SH2D4A: variants seen among roughly 807,000 people sequenced by gnomAD.
The protein encoded by SH2D4A is SH2 domain containing 4A.
SH2D4A carries 70 observed loss-of-function variants against 64.7 expected under a neutral mutation model. The observed-to-expected ratio is 1.08, with a 90% CI of 0.89 to 1.32. The LOEUF is 1.32. Ranked by LOEUF, SH2D4A falls within the 40% of genes most tolerant of loss-of-function variation. The pLI, the probability that SH2D4A is intolerant of heterozygous loss-of-function variation, is 0.00. For synonymous variants in SH2D4A, 268 were observed against 200.7 expected, an observed-to-expected ratio of 1.34 and a Z score of -2.83; for missense variants, 706 against 540.1, an observed-to-expected ratio of 1.31 and a Z score of -3.04.
rs1174314642 is a variant in SH2D4A, at chr8:19,361,204, A to G, written c.596A>G (p.Lys199Arg). 6.7e-7 allele frequency: 1 copy of G among 1,492,210 alleles called. No homozygotes were observed. Among genetic ancestry groups the G allele is most frequent in the African/African-American group, 1.4e-5 (1 of 70,916 alleles). 92.4% of individuals were successfully genotyped at this position (1,492,210 alleles called of 1,614,324 possible). The change falls in exon 6 of 10, where the codon AAG (lysine) becomes AGG (arginine). Residue 199 changes from lysine to arginine, a missense_variant and splice_region_variant. Lys to Arg is a conservative substitution (Grantham distance 26, BLOSUM62 2). Coordinates refer to ENST00000265807, the MANE Select transcript of SH2D4A (RefSeq NM_022071.4). ...NRMKAYAFHQ[K>R]KESMKKKQDE... ...TTTTTTTGTTTTGTTTTTAAACAGA[A>G]GAAAGAATCTATGAAGAAAAAACAA... is the stretch of plus-strand genomic sequence containing the variant.
intron 8 of SH2D4A, among the ~76,000 whole-genome samples, chr8:19,374,782 A>G (rs1253500734): frequency 1.3e-5 from 2 of 152,062 alleles, no homozygotes; most frequent in Non-Finnish European, 2.9e-5. Context: ...CTTGAAGACA[A>G]TGAGAGAGAG....
At chr8:19,379,038 C>G (rs899061180) in intron 8 of SH2D4A, among the ~76,000 whole-genome samples, 1 of 148,836 alleles carries the variant, frequency 6.7e-6, no homozygotes, top group African/African-American at 2.5e-5. Flanking sequence ...GCCAAGATCA[C>G]GCCATGCACT....
At chr8:19,363,761 C>T in intron 6 of SH2D4A, 1 of 386,152 alleles carries the variant, frequency 2.6e-6, no homozygotes, top group Non-Finnish European at 4.9e-6. Flanking sequence ...GGGGGATCCT[C>T]ACTTGGTCTT....
intron 6 of SH2D4A, among the ~76,000 whole-genome samples, chr8:19,361,714 A>G (rs2052891340): frequency 6.8e-6 from 1 of 146,156 alleles, no homozygotes; most frequent in African/African-American, 2.7e-5. Context: ...CTGGAAGGTT[A>G]TAATAACATG....
chr8:19,361,125 A>G, intron 5 of SH2D4A, 78 bp from the exon 6 acceptor site: 1 of 765,598 alleles, frequency 1.3e-6, no homozygotes, highest in Non-Finnish European at 2.1e-6. Flanking sequence ...GTCCTTCAGG[A>G]AACTGCTGGA....
chr8:19,350,883 C>T (rs1020325768), intron 4 of SH2D4A, among the ~76,000 whole-genome samples: 1 of 152,102 alleles, frequency 6.6e-6, no homozygotes, highest in Non-Finnish European at 1.5e-5. Context: ...GTGGATTTTG[C>T]TTGGAACAAT....
intron 7 of SH2D4A, among the ~76,000 whole-genome samples, chr8:19,371,788 C>G (rs2053103470): frequency 6.6e-6 from 1 of 152,088 alleles, no homozygotes; most frequent in Non-Finnish European, 1.5e-5. Context: ...TTCAAATAGC[C>G]TGTCTTCTGG....
chr8:19,368,289 G>C (rs2053035152), intron 7 of SH2D4A, among the ~76,000 whole-genome samples: 1 of 152,142 alleles, frequency 6.6e-6, no homozygotes, highest in Non-Finnish European at 1.5e-5. Context: ...GTCATTTAGT[G>C]TGATGCCTCC....
At chr8:19,326,418 G>A (rs944624005) in intron 2 of SH2D4A, among the ~76,000 whole-genome samples, 1 of 152,196 alleles carries the variant, frequency 6.6e-6, no homozygotes, top group Non-Finnish European at 1.5e-5. Context: ...CTGGGAGTCT[G>A]CCAGCATGGT....
At position 19,327,517 on chromosome 8, in the gene SH2D4A, C is replaced by G. The variant is rs180955096; in HGVS notation, c.182-5438C>G. Among the ~76,000 whole-genome samples the G allele has an allele frequency of 1.3e-3, 191 of 152,318 alleles. 2 individuals are homozygous for G. The highest frequency in any genetic ancestry group is 5.0e-3 in the Admixed American group (77 of 15,306). The stretch of plus-strand genomic sequence containing the variant: ...TCCATTTTCAACTTCTCTTACCAGA[C>G]TGGAGCTTTCCTCAACTCCTTGTCA... On this transcript the variant is annotated intron_variant, in intron 2 of 9. Transcript: ENST00000265807.
At chr8:19,333,452 C>T (rs963066514) in intron 3 of SH2D4A, among the ~76,000 whole-genome samples, 6 of 152,098 alleles carry the variant, frequency 3.9e-5, no homozygotes, top group African/African-American at 1.4e-4. Context: ...AGTGATCACC[C>T]GTGGCTGCAC....
intron 4 of SH2D4A, among the ~76,000 whole-genome samples, chr8:19,344,905 C>G (rs1010784146): frequency 1.3e-5 from 2 of 152,122 alleles, no homozygotes; most frequent in Non-Finnish European, 2.9e-5. Flanking sequence ...CTCGTTAGTT[C>G]AAGTTAGGAT....
intron 4 of SH2D4A, among the ~76,000 whole-genome samples, chr8:19,339,497 T>TTC (rs1230927693): frequency 3.5e-4 from 52 of 148,574 alleles, no homozygotes; most frequent in African/African-American, 1.3e-3. Flanking sequence ...TAAACTTTCT[T>TTC]TTTTTTTTTT....
At chr8:19,317,759 A>G (rs1489527029) in intron 1 of SH2D4A, among the ~76,000 whole-genome samples, 2 of 152,234 alleles carry the variant, frequency 1.3e-5, no homozygotes, top group Non-Finnish European at 2.9e-5. Context: ...TACGATGGTC[A>G]TAATATAGCT....
At chr8:19,383,393 G>GTTTTTTTTTTTTTTTTTTTTTT (rs1243294785) in intron 8 of SH2D4A, among the ~76,000 whole-genome samples, 1 of 141,648 alleles carries the variant, frequency 7.1e-6, no homozygotes, top group Non-Finnish European at 1.6e-5. Flanking sequence ...TTTGTTCTTG[G>GTTTTTTTTTTTTTTTTTTTTTT]TTTTTTTTTT....
intron 1 of SH2D4A, 165 bp downstream of exon 1, chr8:19,313,988 C>G (rs1025417743): frequency 1.0e-5 from 13 of 1,247,348 alleles, no homozygotes; most frequent in Non-Finnish European, 1.3e-5. Flanking sequence ...GCGCCCGGGG[C>G]GGGCTCAGGT....
At chr8:19,379,852 TC>T in intron 8 of SH2D4A, among the ~76,000 whole-genome samples, 1 of 152,288 alleles carries the variant, frequency 6.6e-6, no homozygotes, top group South Asian at 2.1e-4. Context: ...TCTTCCCACC[TC>T]AGCCTCCCGA....
intron 4 of SH2D4A, among the ~76,000 whole-genome samples, chr8:19,350,347 G>A (rs796768602): frequency 2.0e-5 from 3 of 152,292 alleles, no homozygotes; most frequent in African/African-American, 7.2e-5. Flanking sequence ...TTTGTGCATT[G>A]CTTAGTGGTG....
intron 7 of SH2D4A, among the ~76,000 whole-genome samples, chr8:19,365,415 A>G (rs530879434): frequency 6.4e-4 from 97 of 152,302 alleles, no homozygotes; most frequent in African/African-American, 2.3e-3. Flanking sequence ...TAGTCAGGAA[A>G]TAGGAGTCTC....
Sources: allele counts gnomAD v4.1 joint callset (sites outside exome capture counted in the v4.1 genomes callset), GRCh38; gene constraint gnomAD v4.1.1; transcripts MANE v1.5; gene names NCBI Gene and HGNC (gene_info 2026-07-23, HGNC 2026-07-21).